Variants in STAU2 observed in about 807,000 individuals in gnomAD.
STAU2 encodes double-stranded RNA-binding protein Staufen homolog 2.
Under a neutral mutation model 65.9 loss-of-function variants are expected in STAU2, and 20 were observed. That is an observed-to-expected ratio of 0.30 (90% CI 0.21 to 0.44). The LOEUF (loss-of-function observed/expected upper bound fraction) is 0.44. Among genes scored for constraint, STAU2 ranks in the 20% least tolerant of loss-of-function variants. STAU2 has a pLI of 1.00. For missense variants in STAU2, 558 were observed against 683.9 expected, an observed-to-expected ratio of 0.82 and a Z score of 2.05; for synonymous variants, 232 against 233.9, an observed-to-expected ratio of 0.99 and a Z score of 0.07.
intron 13 of STAU2, among the ~76,000 whole-genome samples, chr8:73,493,666 G>C (rs538518092): frequency 6.6e-6 from 1 of 151,690 alleles, no homozygotes; most frequent in Non-Finnish European, 1.5e-5. Context: ...AGTTTCATAC[G>C]ACGTTGGTGG....
chr8:73,622,614 C>T (rs1392598218), intron 6 of STAU2, among the ~76,000 whole-genome samples: 1 of 152,152 alleles, frequency 6.6e-6, no homozygotes, highest in Admixed American at 6.5e-5. Context: ...TATCTTCTTC[C>T]ATTTTTGTTA....
chr8:73,687,582 G>C (rs1819020769), intron 5 of STAU2, among the ~76,000 whole-genome samples: 1 of 146,520 alleles, frequency 6.8e-6, no homozygotes, highest in Non-Finnish European at 1.5e-5. Flanking sequence ...TTTTTTGCAG[G>C]GGTAGAAACA....
intron 4 of STAU2, among the ~76,000 whole-genome samples, chr8:73,701,515 C>CA: frequency 6.6e-6 from 1 of 152,198 alleles, no homozygotes; most frequent in Non-Finnish European, 1.5e-5. Context: ...AAATGCAAAT[C>CA]AAAACTACAC....
chr8:73,441,963 C>CTACA (rs1274488864), intron 13 of STAU2, among the ~76,000 whole-genome samples: 1 of 152,024 alleles, frequency 6.6e-6, no homozygotes, highest in East Asian at 1.9e-4. Flanking sequence ...AATGCAAAGT[C>CTACA]ACTGTAAAGT....
chr8:73,720,857 T>C (rs888193686), intron 3 of STAU2, among the ~76,000 whole-genome samples: 3 of 152,106 alleles, frequency 2.0e-5, no homozygotes, highest in Admixed American at 1.3e-4. Context: ...TTTTAAACCA[T>C]AGATTACTTA....
At chr8:73,681,076 C>G (rs560118933) in intron 5 of STAU2, among the ~76,000 whole-genome samples, 1 of 152,136 alleles carries the variant, frequency 6.6e-6, no homozygotes, top group Non-Finnish European at 1.5e-5. Flanking sequence ...CCTGGCCTTG[C>G]TGGAGATCTA....
intron 5 of STAU2, 38 bp downstream of exon 5, chr8:73,688,616 C>A (rs371030541): frequency 4.3e-6 from 7 of 1,610,668 alleles, no homozygotes; most frequent in Non-Finnish European, 5.9e-6. Context: ...GCAGAACACA[C>A]ATAGCAGACA....
At chr8:73,569,872 A>G (rs1179735438) in intron 12 of STAU2, among the ~76,000 whole-genome samples, 1 of 152,242 alleles carries the variant, frequency 6.6e-6, no homozygotes, top group Non-Finnish European at 1.5e-5. Context: ...CCAGAGCAGG[A>G]AAGCTGAAAA....
At chr8:73,553,349 A>G (rs990517200) in intron 12 of STAU2, among the ~76,000 whole-genome samples, 2 of 152,120 alleles carry the variant, frequency 1.3e-5, no homozygotes, top group South Asian at 2.1e-4. Flanking sequence ...CAAGCTTTCA[A>G]TGTTTCTCTG....
intron 13 of STAU2, among the ~76,000 whole-genome samples, chr8:73,457,939 C>T (rs537725909): frequency 3.9e-5 from 6 of 152,082 alleles, no homozygotes; most frequent in Non-Finnish European, 5.9e-5. Context: ...GACCTAGGCA[C>T]GGGGTTGGAG....
At chr8:73,532,681 G>A (rs1667351161) in intron 13 of STAU2, among the ~76,000 whole-genome samples, 1 of 152,144 alleles carries the variant, frequency 6.6e-6, no homozygotes, top group Non-Finnish European at 1.5e-5. Flanking sequence ...GCTCTGAAAA[G>A]AGACATTTAC....
At chr8:73,658,392 G>A (rs1168860716) in intron 6 of STAU2, among the ~76,000 whole-genome samples, 1 of 151,766 alleles carries the variant, frequency 6.6e-6, no homozygotes, top group Non-Finnish European at 1.5e-5. Flanking sequence ...ATTATCTTGG[G>A]AAGTTCACCA....
chr8:73,658,321 T>C (rs1377490207), intron 6 of STAU2, among the ~76,000 whole-genome samples: 1 of 151,836 alleles, frequency 6.6e-6, no homozygotes, highest in Non-Finnish European at 1.5e-5. Flanking sequence ...TGAGCGAAGA[T>C]CGTGCTATTG....
At chr8:73,570,513 T>G (rs1808984669) in intron 12 of STAU2, among the ~76,000 whole-genome samples, 1 of 152,190 alleles carries the variant, frequency 6.6e-6, no homozygotes, top group African/African-American at 2.4e-5. Context: ...GGAACCAAGT[T>G]GGAAAACACT....
At chr8:73,450,741 A>G (rs144289454) in intron 13 of STAU2, among the ~76,000 whole-genome samples, 20 of 152,334 alleles carry the variant, frequency 1.3e-4, no homozygotes, top group African/African-American at 4.8e-4. Context: ...TTTGAAACCT[A>G]ACAATGTGTG....
intron 4 of STAU2, 78 bp from the exon 5 acceptor site, chr8:73,688,891 A>G: frequency 1.3e-6 from 2 of 1,521,402 alleles, no homozygotes; most frequent in Non-Finnish European, 1.8e-6. Context: ...GAGAAAAATA[A>G]ACATCATAGA....
At chr8:73,680,324 C>T (rs1818344563) in intron 5 of STAU2, among the ~76,000 whole-genome samples, 1 of 152,088 alleles carries the variant, frequency 6.6e-6, no homozygotes, top group Non-Finnish European at 1.5e-5. Flanking sequence ...CAATACCAGC[C>T]TGGAGTCCAG....
Position 73,739,726 on chromosome 8 carries a change from T to C in STAU2, c.-84+30A>G, listed in dbSNP as rs1274178625. Reference sequence around the variant, plus strand: ...GCACACGGCCTGGATATTGGTGAATTTGAGTTTTAGTCAAAGTTCTTCAGA... The same window carrying C: ...GCACACGGCCTGGATATTGGTGAATCTGAGTTTTAGTCAAAGTTCTTCAGA... On this transcript the variant is annotated intron_variant, in intron 2 of 14. Coordinates refer to ENST00000524300, the MANE Select transcript of STAU2 (RefSeq NM_001164380.2). 9 of 1,474,566 alleles carry C rather than the reference T, an allele frequency of 6.1e-6. No individual in the cohort carries two copies. In the South Asian group the frequency reaches 9.6e-5, roughly 16 times the overall value. The allele number at this position is 1,474,566 out of a possible 1,614,324, so 91.3% of individuals were successfully genotyped here.
At chr8:73,712,841 T>C (rs895127064) in intron 3 of STAU2, among the ~76,000 whole-genome samples, 6 of 152,122 alleles carry the variant, frequency 3.9e-5, no homozygotes, top group African/African-American at 1.4e-4. Context: ...CTGTACTCCT[T>C]GACACTCAGA....
Sources: gnomAD v4.1 joint callset for allele counts (sites outside exome capture counted in the v4.1 genomes callset) on GRCh38, gnomAD v4.1.1 for gene constraint, MANE v1.5 for transcripts, NCBI Gene and HGNC (gene_info 2026-07-23, HGNC 2026-07-21) for gene names.